The following PMPCA variants were observed in gnomAD, a reference collection of about 807,000 sequenced individuals.
The protein encoded by PMPCA is peptidase, mitochondrial processing subunit alpha, also known as mitochondrial-processing peptidase subunit alpha.
In PMPCA, 47 loss-of-function variants were observed where a neutral mutation model predicts 59.3. The ratio of observed to expected loss-of-function variants is 0.79; its 90% CI spans 0.63 to 1.01. The LOEUF is 1.01. Among genes scored for constraint, PMPCA ranks in the 50% least tolerant of loss-of-function variants. PMPCA has a pLI of 0.00. For missense variants in PMPCA, 726 were observed against 704.5 expected, an observed-to-expected ratio of 1.03 and a Z score of -0.34; for synonymous variants, 338 against 290.3, an observed-to-expected ratio of 1.16 and a Z score of -1.67.
chr9:136,422,118 G>T (rs1835472414), intron 12 of PMPCA, 142 bp downstream of exon 12: 6 of 1,544,846 alleles, frequency 3.9e-6, no homozygotes, highest in Non-Finnish European at 5.2e-6. Flanking sequence ...GTTGTCCTCA[G>T]CAGGGGCGGC....
chr9:136,411,823 C>G (rs570152177), intron 1 of PMPCA, among the ~76,000 whole-genome samples, 174 bp from the exon 2 acceptor site: 1 of 152,326 alleles, frequency 6.6e-6, no homozygotes, highest in Non-Finnish European at 1.5e-5. Context: ...GGTCCCGTGG[C>G]TGAGCCTTTG....
Position 136,412,190 on chromosome 9 carries a change from A to G in PMPCA, c.265A>G (p.Thr89Ala), listed in dbSNP as rs780393219. 1 of 1,611,914 alleles carries G rather than the reference A, an allele frequency of 6.2e-7. No homozygotes were observed. The highest frequency in any genetic ancestry group is 1.1e-5 in the South Asian group (1 of 91,038). Residue 89 changes from threonine (T) to alanine (A), a missense_variant, in exon 2 of 13, where the codon ACA becomes GCA. Physicochemically the swap from Thr to Ala is moderately conservative, Grantham distance 58. Coordinates refer to ENST00000371717, the MANE Select transcript of PMPCA (RefSeq NM_015160.3). ...TCAGAATAAGTTTGGACAGTTTTGT[A>G]CAGTAGGAAGTAAGTACTGTTGTGT... Reference protein sequence around the residue: ...ASQNKFGQFCTVGILINSGSR... With the variant: ...ASQNKFGQFCAVGILINSGSR...
At chr9:136,411,693 A>AG (rs1285165529) in intron 1 of PMPCA, among the ~76,000 whole-genome samples, 1 of 152,154 alleles carries the variant, frequency 6.6e-6, no homozygotes, top group African/African-American at 2.4e-5. Context: ...GTGCTGTTGG[A>AG]GGGCAGAGCT....
At chr9:136,418,442 G>T in intron 8 of PMPCA, 113 bp from the exon 9 acceptor site, 2 of 738,570 alleles carry the variant, frequency 2.7e-6, no homozygotes, top group Non-Finnish European at 2.4e-6. Context: ...GTCCAGCGGC[G>T]CTCCTGACGT....
At chr9:136,410,848 C>T (rs948837008) in intron 1 of PMPCA, 109 bp downstream of exon 1, 4 of 966,262 alleles carry the variant, frequency 4.1e-6, no homozygotes, top group Non-Finnish European at 5.5e-6. Context: ...GGGACGGGCT[C>T]GCACTTCGGG....
rs537391296 is a variant in PMPCA, at chr9:136,419,516, G to A, written c.1263+410G>A. The A allele has an allele frequency of 4.9e-5, 15 of 307,058 alleles. No homozygotes were observed. In the South Asian group the frequency reaches 5.3e-4, roughly 11 times the overall value. 19.0% of individuals were successfully genotyped at this position (307,058 alleles called of 1,614,324 possible). ...GTGAAGCAGCTCGCACAGGTGGGCT[G>A]CAGCGTGGGGTGTCTCGAGCCTTTC... On this transcript the variant is annotated intron_variant, in intron 11 of 12. Coordinates refer to ENST00000371717, the MANE Select transcript of PMPCA (RefSeq NM_015160.3).
At position 136,410,706 on chromosome 9, in the gene PMPCA, G is replaced by A. The variant is rs759708108; in HGVS notation, c.38G>A (p.Arg13Gln). The change falls in exon 1 of 13, where the codon CGG becomes CAG. Residue 13 changes from arginine (R) to glutamine (Q), a missense_variant. Coordinates refer to ENST00000371717, the MANE Select transcript of PMPCA (RefSeq NM_015160.3). ...AVVLAATRLL[R>Q]GSGSWGCSRL... Reference sequence around the variant, plus strand: ...GTGCTGGCGGCGACGCGGTTGCTGCGGGGCTCGGGTTCTTGGGGCTGTTCG... The same window carrying A: ...GTGCTGGCGGCGACGCGGTTGCTGCAGGGCTCGGGTTCTTGGGGCTGTTCG... 2 of 1,419,126 alleles carry A rather than the reference G, an allele frequency of 1.4e-6. No individual in the cohort carries two copies. Among genetic ancestry groups the A allele is most frequent in the Admixed American group, 3.0e-5 (1 of 33,336 alleles). The allele number at this position is 1,419,126 out of a possible 1,614,324, so 87.9% of individuals were successfully genotyped here.
At chr9:136,420,791 T>A (rs1163305087) in intron 11 of PMPCA, 1 of 152,220 alleles carries the variant, frequency 6.6e-6, no homozygotes, top group Non-Finnish European at 1.5e-5. Context: ...ATTGTTTTAC[T>A]TAAAAGAAAT....
At chr9:136,416,413 T>A (rs376350065) in intron 6 of PMPCA, 22 bp downstream of exon 6, 1 of 1,516,098 alleles carries the variant, frequency 6.6e-7, no homozygotes, top group African/African-American at 1.4e-5. Flanking sequence ...AACTCGAGAA[T>A]GCCCCCGCAT....
rs761195146 is a variant in PMPCA at position 136,414,645 on chromosome 9, CAG to C, written c.531_532del (p.Asp178Ter). 6.2e-7 allele frequency: 1 copy of C among 1,606,592 alleles called. No homozygotes were observed. The highest frequency in any genetic ancestry group is 1.7e-5 in the Admixed American group (1 of 60,016). ...GATGTGGTTCTGCAGCCCCGGCTAA[CAG>C]GTGTGGATCCCAGCCGCTGGCGTTT... On this transcript the variant is annotated frameshift_variant and splice_region_variant, in exon 5 of 13. Transcript: ENST00000371717. LOFTEE classifies it high-confidence loss of function.
At chr9:136,414,794 A>G (rs2131586076) in intron 5 of PMPCA, 147 bp downstream of exon 5, 1 of 604,238 alleles carries the variant, frequency 1.7e-6, no homozygotes, top group Non-Finnish European at 3.0e-6. Context: ...CTCATAAGAA[A>G]TAGCGCTGGG....
rs199893991 is a variant in PMPCA at position 136,423,268 on chromosome 9, C to G, written c.*4C>G. On this transcript the variant is annotated 3_prime_UTR_variant, in exon 13 of 13. Transcript: ENST00000371717. ...GACGTACCGGCTCTTCCGGTAGAAC[C>G]GCTCCCCGGCCTGACAGACCCAGGG... The G allele has an allele frequency of 6.2e-7, 1 of 1,609,074 alleles. No homozygotes were observed. Among genetic ancestry groups the G allele is most frequent in the Admixed American group, 1.7e-5 (1 of 59,802 alleles).
chr9:136,414,105 T>C (rs1564419918), intron 4 of PMPCA, among the ~76,000 whole-genome samples: 3 of 152,374 alleles, frequency 2.0e-5, no homozygotes, highest in Admixed American at 6.5e-5. Flanking sequence ...AGGCCGGGCA[T>C]GTTTCCACAC....
In PMPCA at chr9:136,410,682, T is replaced by C. The variant is rs561383356; in HGVS notation, c.14T>C (p.Val5Ala). 9.2e-6 allele frequency: 13 copies of C among 1,415,810 alleles called. No homozygotes were observed. Among genetic ancestry groups the C allele is most frequent in the East Asian group, 5.5e-5 (2 of 36,118 alleles). The allele number at this position is 1,415,810 out of a possible 1,614,324, so 87.7% of individuals were successfully genotyped here. A position where few individuals can be genotyped will look rare whatever the true frequency, so the allele number is the denominator to read the frequency against. ...CGGAGACGCAAGATGGCGGCTGTGG[T>C]GCTGGCGGCGACGCGGTTGCTGCGG... MAAV[V>A]LAATRLLRGS... The change falls in exon 1 of 13, where the codon GTG (valine) becomes GCG (alanine). Residue 5 changes from valine (V) to alanine (A), a missense_variant. Val to Ala is a moderately conservative substitution (Grantham distance 64). Transcript: ENST00000371717.
intron 6 of PMPCA, 144 bp from the exon 7 acceptor site, chr9:136,416,807 C>T: frequency 1.5e-6 from 1 of 661,342 alleles, no homozygotes; most frequent in Non-Finnish European, 2.6e-6. Context: ...ACGCACGCAG[C>T]TGCTATTGCC....
intron 11 of PMPCA, chr9:136,419,513 G>T: frequency 3.1e-6 from 1 of 318,414 alleles, no homozygotes; most frequent in East Asian, 7.1e-5. Flanking sequence ...GCACAGGTGG[G>T]CTGCAGCGTG....
Position 136,419,054 on chromosome 9 carries a change from T to C in PMPCA, c.1211T>C (p.Met404Thr), listed in dbSNP as rs2131592378. The change falls in exon 11 of 13, where the codon ATG becomes ACG. Residue 404 changes from methionine (M) to threonine (T), a missense_variant. By Grantham distance (81) the Met-to-Thr change is moderately conservative. Transcript: ENST00000371717. ...ASADPRQVRE[M>T]VEIITKEFIL... ...TGCCCTTCTTCGCAGGTTCGAGAAA[T>C]GGTAGAAATCATCACAAAGGAGTTT... 1 of 1,613,932 alleles carries C rather than the reference T, an allele frequency of 6.2e-7. No individual in the cohort carries two copies. Among genetic ancestry groups the C allele is most frequent in the Non-Finnish European group, 8.5e-7 (1 of 1,179,808 alleles).
chr9:136,419,405 C>T, intron 11 of PMPCA: 3 of 522,392 alleles, frequency 5.7e-6, no homozygotes, highest in Non-Finnish European at 1.0e-5. Context: ...AGTCGTGGGA[C>T]TGACCATGTG....
chr9:136,418,173 C>T, intron 8 of PMPCA, 64 bp downstream of exon 8: 2 of 1,177,430 alleles, frequency 1.7e-6, no homozygotes, highest in East Asian at 2.3e-5. Flanking sequence ...GCCAGCCCTG[C>T]CCTCTGTCCC....
Sources: gnomAD v4.1 joint callset for allele counts (sites outside exome capture counted in the v4.1 genomes callset) on GRCh38, gnomAD v4.1.1 for gene constraint, MANE v1.5 for transcripts, NCBI Gene and HGNC (gene_info 2026-07-23, HGNC 2026-07-21) for gene names.